LRP1B: variants seen among roughly 807,000 people sequenced by gnomAD.
LRP1B encodes the protein LDL receptor related protein 1B, also known as low-density lipoprotein receptor-related protein 1B.
LRP1B carries 217 observed loss-of-function variants against 556.6 expected under a neutral mutation model. That is an observed-to-expected ratio of 0.39 (90% CI 0.35 to 0.44). The LOEUF (loss-of-function observed/expected upper bound fraction) is 0.44, where lower values mean the gene tolerates loss of function less well. Ranked by LOEUF, LRP1B falls within the 20% of genes least tolerant of loss-of-function variation. The probability of loss-of-function intolerance (pLI) is 1.00; values close to 1 mark genes in which losing one functional copy is unlikely to be tolerated. For missense variants in LRP1B, 5,053 were observed against 5,620.8 expected, an observed-to-expected ratio of 0.90 and a Z score of 3.23; for synonymous variants, 2,047 against 1,865.8, an observed-to-expected ratio of 1.10 and a Z score of -2.50.
intron 2 of LRP1B, among the ~76,000 whole-genome samples, chr2:141,598,672 T>G (rs1312082061): frequency 6.6e-6 from 1 of 152,144 alleles, no homozygotes; most frequent in Non-Finnish European, 1.5e-5. Context: ...AATTGACTAA[T>G]GAACTTATAT....
At chr2:140,266,187 T>C (rs1682196304) in intron 86 of LRP1B, among the ~76,000 whole-genome samples, 1 of 152,016 alleles carries the variant, frequency 6.6e-6, no homozygotes, top group Non-Finnish European at 1.5e-5. Context: ...GAATCTACAT[T>C]TTTCTCTACT....
chr2:140,589,505 G>GGA (rs927011430), intron 43 of LRP1B, among the ~76,000 whole-genome samples: 1 of 152,178 alleles, frequency 6.6e-6, no homozygotes, highest in Non-Finnish European at 1.5e-5. Context: ...AGATATTCAT[G>GGA]AAAGCTTCAT....
intron 59 of LRP1B, among the ~76,000 whole-genome samples, chr2:140,475,546 CAT>C (rs1005226588): frequency 2.0e-5 from 3 of 150,362 alleles, no homozygotes; most frequent in African/African-American, 4.9e-5. Flanking sequence ...TAACTTTAAA[CAT>C]ATGTTTATTT....
rs1307243993 is a variant in LRP1B at position 140,769,134 on chromosome 2, G to A, written c.5758+79C>T. ...CTCATCTTGACTATTAAAGCACAGAGGAAAAGATTGTATTCCCATCATGTT... is the reference window on the plus strand; with the variant it reads ...CTCATCTTGACTATTAAAGCACAGAAGAAAAGATTGTATTCCCATCATGTT... On this transcript the variant is annotated intron_variant, in intron 35 of 90. Transcript: ENST00000389484. The A allele has an allele frequency of 5.3e-6, 7 of 1,331,360 alleles. No individual in the cohort carries two copies. In the Admixed American group the frequency reaches 7.5e-5, roughly 14 times the overall value. 82.5% of individuals were successfully genotyped at this position (1,331,360 alleles called of 1,614,324 possible).
intron 32 of LRP1B, among the ~76,000 whole-genome samples, chr2:140,794,385 T>A (rs1690225612): frequency 6.6e-6 from 1 of 151,920 alleles, no homozygotes. Context: ...TCATAAAACA[T>A]CTTGATGGTA....
At chr2:140,461,069 GAAA>G (rs1217803995) in intron 60 of LRP1B, among the ~76,000 whole-genome samples, 1 of 72,344 alleles carries the variant, frequency 1.4e-5, no homozygotes, top group African/African-American at 5.0e-5. Flanking sequence ...ACTCAAAAAA[GAAA>G]AAAAAAAAAA....
intron 2 of LRP1B, among the ~76,000 whole-genome samples, chr2:141,676,979 C>A (rs1690908421): frequency 6.6e-6 from 1 of 151,918 alleles, no homozygotes; most frequent in Non-Finnish European, 1.5e-5. Flanking sequence ...GTGGATGATG[C>A]AGATATTAAC....
At chr2:141,046,118 G>A (rs116270701) in intron 11 of LRP1B, among the ~76,000 whole-genome samples, 2,096 of 152,166 alleles carry the variant, frequency 0.014, 48 homozygotes, top group African/African-American at 0.047. Flanking sequence ...TGGAAATGTT[G>A]TTGTTTTTAT....
At chr2:140,807,507 A>T (rs1187399775) in intron 32 of LRP1B, among the ~76,000 whole-genome samples, 3 of 132,388 alleles carry the variant, frequency 2.3e-5, no homozygotes, top group Non-Finnish European at 1.6e-5. Flanking sequence ...CGCCTTGCTA[A>T]TTTTTTTTTT....
chr2:141,273,170 A>G (rs137956485), intron 3 of LRP1B, among the ~76,000 whole-genome samples: 267 of 152,190 alleles, frequency 1.8e-3, no homozygotes, highest in African/African-American at 6.1e-3. Flanking sequence ...TTAACTGGGC[A>G]TAGTGGCTCA....
In LRP1B at chr2:141,048,984, A is replaced by G. The variant is rs2105445393; in HGVS notation, c.1789+2T>C. 6.2e-7 allele frequency: 1 copy of G among 1,604,718 alleles called. No homozygotes were observed. Among genetic ancestry groups the G allele is most frequent in the Non-Finnish European group, 8.5e-7 (1 of 1,171,686 alleles). On this transcript the variant is annotated splice_donor_variant, in intron 11 of 90. Transcript: ENST00000389484. LOFTEE classifies it high-confidence loss of function. Reference sequence around the variant, plus strand: ...TGATGTTAATGTCACAGTGTCACTTACCATCTTTCAGGATGGTTTCTCTCT... The same window carrying G: ...TGATGTTAATGTCACAGTGTCACTTGCCATCTTTCAGGATGGTTTCTCTCT...
chr2:141,744,014 T>G (rs963581600), intron 2 of LRP1B, among the ~76,000 whole-genome samples: 2 of 152,162 alleles, frequency 1.3e-5, no homozygotes, highest in African/African-American at 4.8e-5. Context: ...TGATCTTTAT[T>G]ATTTCTTTTC....
chr2:141,015,805 A>G lies in LRP1B; in HGVS notation c.2081T>C (p.Met694Thr), dbSNP rs1425334703. 1.9e-6 allele frequency: 3 copies of G among 1,613,512 alleles called. No individual in the cohort carries two copies. In the East Asian group the frequency reaches 6.7e-5, roughly 36 times the overall value. Reference sequence around the variant, plus strand: ...CAGAGTTAAACCGTTTGGCCACAGCATCTTTGAAGTCACAAAAATCTGCCG... The same window carrying G: ...CAGAGTTAAACCGTTTGGCCACAGCGTCTTTGAAGTCACAAAAATCTGCCG... ...FNRQIFVTSK[M>T]LWPNGLTLDF... Residue 694 changes from methionine (M) to threonine (T), a missense_variant, in exon 13 of 91, where the codon ATG becomes ACG. Around this residue, in one of 5 missense-constraint regions of LRP1B, gnomAD observed 3,619 missense variants for 3,931.9 expected, o/e 0.92. Coordinates refer to ENST00000389484, the MANE Select transcript of LRP1B (RefSeq NM_018557.3).
At chr2:141,411,954 T>G (rs1359834860) in intron 3 of LRP1B, among the ~76,000 whole-genome samples, 1 of 152,030 alleles carries the variant, frequency 6.6e-6, no homozygotes, top group Non-Finnish European at 1.5e-5. Flanking sequence ...AACAAAGTCT[T>G]GACTATGTTT....
intron 86 of LRP1B, among the ~76,000 whole-genome samples, chr2:140,261,796 T>C (rs1342701241): frequency 3.3e-5 from 5 of 151,944 alleles, no homozygotes; most frequent in Non-Finnish European, 5.9e-5. Flanking sequence ...ATGAAGGAAC[T>C]GAACGGAAAC....
intron 35 of LRP1B, among the ~76,000 whole-genome samples, chr2:140,748,991 T>C (rs1160324513): frequency 6.6e-6 from 1 of 151,452 alleles, no homozygotes; most frequent in Non-Finnish European, 1.5e-5. Context: ...GCTTAGGTTA[T>C]ATGGTACACA....
At chr2:142,043,816 G>A (rs1417666291) in intron 1 of LRP1B, among the ~76,000 whole-genome samples, 1 of 151,594 alleles carries the variant, frequency 6.6e-6, no homozygotes, top group African/African-American at 2.4e-5. Flanking sequence ...TAATTTTCTA[G>A]GGTCATATTT....
chr2:140,843,411 G>A (rs1692181509), intron 29 of LRP1B, among the ~76,000 whole-genome samples: 1 of 151,682 alleles, frequency 6.6e-6, no homozygotes. Context: ...ACCTTCACTT[G>A]CCCCAAGGTA....
At chr2:141,107,954 T>G (rs959741175) in intron 7 of LRP1B, among the ~76,000 whole-genome samples, 1 of 152,122 alleles carries the variant, frequency 6.6e-6, no homozygotes, top group African/African-American at 2.4e-5. Flanking sequence ...GGAAAAAAAG[T>G]ATGGTGCTAC....
Sources: gnomAD v4.1 joint callset for allele counts (sites outside exome capture counted in the v4.1 genomes callset) on GRCh38, gnomAD v4.1.1 for gene constraint, gnomAD v4.1.1 regional missense constraint, MANE v1.5 for transcripts, NCBI Gene and HGNC (gene_info 2026-07-23, HGNC 2026-07-21) for gene names.